Variants in VPS50 observed in about 807,000 individuals in gnomAD.
VPS50 encodes the protein syndetin.
In VPS50, 70 loss-of-function variants were observed where a neutral mutation model predicts 139.7. The observed-to-expected ratio is 0.50, with a 90% CI of 0.41 to 0.61. The LOEUF (loss-of-function observed/expected upper bound fraction) is 0.61. VPS50 is among the 20% of genes least tolerant of loss of function. The pLI, the probability that VPS50 is intolerant of heterozygous loss-of-function variation, is 0.00. For synonymous variants in VPS50, 365 were observed against 376.7 expected (o/e 0.97, Z 0.36); for missense variants, 921 against 1,133.7 (o/e 0.81, Z 2.69).
intron 12 of VPS50, among the ~76,000 whole-genome samples, chr7:93,289,109 G>A (rs746595273): frequency 3.9e-5 from 6 of 152,018 alleles, no homozygotes; most frequent in Admixed American, 6.6e-5. Flanking sequence ...TTTTTAGGCC[G>A]TGGTTAAGAA....
chr7:93,275,974 A>G (rs1191738034), intron 11 of VPS50, 191 bp from the exon 12 acceptor site: 4 of 541,136 alleles, frequency 7.4e-6, no homozygotes, highest in Admixed American at 6.2e-5. Flanking sequence ...TGCTCTGATA[A>G]TCTGGTTATG....
chr7:93,332,337 A>C (rs1797963809), intron 21 of VPS50, among the ~76,000 whole-genome samples: 1 of 152,174 alleles, frequency 6.6e-6, no homozygotes, highest in Non-Finnish European at 1.5e-5. Context: ...TAATGGCACT[A>C]ATCCCATCAT....
At chr7:93,283,928 T>A (rs1796405384) in intron 12 of VPS50, among the ~76,000 whole-genome samples, 1 of 152,182 alleles carries the variant, frequency 6.6e-6, no homozygotes, top group Non-Finnish European at 1.5e-5. Context: ...GAATAATGAG[T>A]GCCTATGGAG....
chr7:93,251,480 A>G (rs998279416), intron 2 of VPS50, among the ~76,000 whole-genome samples: 1 of 148,478 alleles, frequency 6.7e-6, no homozygotes, highest in Non-Finnish European at 1.5e-5. Context: ...AACAATGAGA[A>G]CACATAGAGG....
At chr7:93,353,841 G>C in intron 26 of VPS50, 80 bp downstream of exon 26, 1 of 1,117,142 alleles carries the variant, frequency 9.0e-7, no homozygotes, top group South Asian at 1.6e-5. Context: ...TTAATGGTTG[G>C]AGAGAATAAG....
At chr7:93,332,349 C>T (rs75148970) in intron 21 of VPS50, among the ~76,000 whole-genome samples, 2,630 of 152,242 alleles carry the variant, frequency 0.017, 81 homozygotes, top group African/African-American at 0.06. Flanking sequence ...TCCCATCATA[C>T]CAGGGACCCA....
Position 93,361,009 on chromosome 7 carries a change from A to C in VPS50, c.*2573A>C, listed in dbSNP as rs1169920061. On this transcript the variant is annotated 3_prime_UTR_variant, in exon 28 of 28. Transcript: ENST00000305866. Reference sequence around the variant, plus strand: ...TTCTATTTAGCTGAGTGCTAAAGTGAAACTTTGTTAGATTAAATAGCTTTT... The same window carrying C: ...TTCTATTTAGCTGAGTGCTAAAGTGCAACTTTGTTAGATTAAATAGCTTTT... 2 of 151,872 alleles carry C rather than the reference A, an allele frequency of 1.3e-5. No homozygotes were observed. Among genetic ancestry groups the C allele is most frequent in the Non-Finnish European group, 2.9e-5 (2 of 67,930 alleles). The allele number at this position is 151,872 out of a possible 1,614,324, so 9.4% of individuals were successfully genotyped here. A position where few individuals can be genotyped will look rare whatever the true frequency, so the allele number is the denominator to read the frequency against.
At chr7:93,310,724 T>C (rs1797244015) in intron 19 of VPS50, among the ~76,000 whole-genome samples, 1 of 151,996 alleles carries the variant, frequency 6.6e-6, no homozygotes, top group Admixed American at 6.6e-5. Flanking sequence ...CGGCCCTTTT[T>C]TCTGTGCTGA....
rs775684563 is a variant in VPS50, at chr7:93,239,945, A to T, written c.102+11A>T. On this transcript the variant is annotated intron_variant, in intron 2 of 27. Transcript: ENST00000305866. The stretch of plus-strand genomic sequence containing the variant: ...CGGGTCCCTGGAAAGGTATTGAGCT[A>T]CACGTGTGAGCGTGACTTTTTACTT... The T allele has an allele frequency of 1.3e-6, 2 of 1,533,502 alleles. No individual in the cohort carries two copies. The highest frequency in any genetic ancestry group is 1.7e-4 in the Middle Eastern group (1 of 5,844). 95.0% of individuals were successfully genotyped at this position (1,533,502 alleles called of 1,614,324 possible). A position where few individuals can be genotyped will look rare whatever the true frequency, so the allele number is the denominator to read the frequency against.
intron 26 of VPS50, among the ~76,000 whole-genome samples, chr7:93,354,822 C>T (rs186944759): frequency 4.1e-4 from 63 of 152,186 alleles, no homozygotes; most frequent in Non-Finnish European, 3.1e-4. Context: ...GAGAAGCGAA[C>T]AGCTATTTCA....
At chr7:93,318,719 T>G (rs1797504536) in intron 20 of VPS50, among the ~76,000 whole-genome samples, 1 of 152,132 alleles carries the variant, frequency 6.6e-6, no homozygotes, top group Non-Finnish European at 1.5e-5. Context: ...AAATCTTCAA[T>G]ATAGGAGAAA....
chr7:93,318,775 C>T (rs896304412), intron 20 of VPS50, among the ~76,000 whole-genome samples: 1 of 151,836 alleles, frequency 6.6e-6, no homozygotes, highest in Non-Finnish European at 1.5e-5. Flanking sequence ...AATTTCTCCC[C>T]CATGTTTCCA....
At chr7:93,237,262 A>C (rs1311578233) in intron 1 of VPS50, among the ~76,000 whole-genome samples, 5 of 151,746 alleles carry the variant, frequency 3.3e-5, no homozygotes, top group Non-Finnish European at 7.4e-5. Context: ...GGCCTGTTTT[A>C]CTTCTTATAA....
chr7:93,328,416 G>C (rs747473131), intron 21 of VPS50, among the ~76,000 whole-genome samples: 3 of 152,172 alleles, frequency 2.0e-5, no homozygotes, highest in Non-Finnish European at 4.4e-5. Context: ...TCTTTGTAGA[G>C]AGCCTATATA....
intron 23 of VPS50, among the ~76,000 whole-genome samples, chr7:93,344,742 G>A (rs1028577032): frequency 2.4e-4 from 37 of 151,794 alleles, no homozygotes; most frequent in African/African-American, 8.3e-4. Flanking sequence ...GGTACATAAC[G>A]AAATGAAGGC....
intron 2 of VPS50, among the ~76,000 whole-genome samples, chr7:93,251,442 G>A (rs957276235): frequency 8.0e-5 from 12 of 149,184 alleles, no homozygotes; most frequent in Admixed American, 4.1e-4. Context: ...ACCAAACACT[G>A]CATGTTCTCA....
intron 12 of VPS50, among the ~76,000 whole-genome samples, chr7:93,282,648 T>G (rs1796363282): frequency 6.6e-6 from 1 of 152,202 alleles, no homozygotes; most frequent in South Asian, 2.1e-4. Context: ...AAATAATTTG[T>G]GTTGCATATC....
intron 2 of VPS50, among the ~76,000 whole-genome samples, chr7:93,245,783 A>G (rs1795132740): frequency 6.6e-6 from 1 of 151,930 alleles, no homozygotes; most frequent in East Asian, 1.9e-4. Flanking sequence ...AAATGCACAC[A>G]GAAACTGATG....
intron 2 of VPS50, among the ~76,000 whole-genome samples, chr7:93,241,489 A>G (rs1794989338): frequency 6.6e-6 from 1 of 152,134 alleles, no homozygotes; most frequent in Admixed American, 6.6e-5. Flanking sequence ...ATAGTAAAAA[A>G]TGTATTGATG....
Sources: gnomAD v4.1 joint callset for allele counts (sites outside exome capture counted in the v4.1 genomes callset) on GRCh38, gnomAD v4.1.1 for gene constraint, MANE v1.5 for transcripts, NCBI Gene and HGNC (gene_info 2026-07-23, HGNC 2026-07-21) for gene names.